LRRC69: variants seen among roughly 807,000 people sequenced by gnomAD.
LRRC69 encodes the protein leucine-rich repeat-containing protein 69.
A neutral mutation model predicts 37.8 loss-of-function variants in LRRC69; 42 were observed. The observed-to-expected ratio is 1.11, with a 90% confidence interval of 0.87 to 1.44. The LOEUF (loss-of-function observed/expected upper bound fraction) is 1.44, where lower values mean the gene tolerates loss of function less well. LRRC69 is among the 40% of genes most tolerant of loss of function. The pLI, the probability that LRRC69 is intolerant of heterozygous loss-of-function variation, is 0.00. For synonymous variants in LRRC69, 141 were observed against 143.1 expected (o/e 0.99, Z 0.11); for missense variants, 357 against 401.9 (o/e 0.89, Z 0.96).
chr8:91,195,602 C>T (rs1355338244), intron 6 of LRRC69, among the ~76,000 whole-genome samples: 20 of 151,026 alleles, frequency 1.3e-4, no homozygotes, highest in Admixed American at 1.3e-3. Flanking sequence ...TATGTAATGG[C>T]CTTCTTTGTC....
intron 5 of LRRC69, among the ~76,000 whole-genome samples, chr8:91,173,054 C>G (rs1181645865): frequency 6.6e-6 from 1 of 151,956 alleles, no homozygotes; most frequent in Non-Finnish European, 1.5e-5. Flanking sequence ...GTGTTGCCAG[C>G]TACTCACGGC....
chr8:91,150,693 C>T (rs367719738), intron 5 of LRRC69, among the ~76,000 whole-genome samples: 3 of 151,964 alleles, frequency 2.0e-5, no homozygotes, highest in Non-Finnish European at 2.9e-5. Context: ...TGGTAGAATT[C>T]GGCTGTGAAT....
chr8:91,152,655 T>A (rs980526595), intron 5 of LRRC69, among the ~76,000 whole-genome samples: 1 of 151,594 alleles, frequency 6.6e-6, no homozygotes, highest in Non-Finnish European at 1.5e-5. Flanking sequence ...TTTTCTCTAA[T>A]TCTGTGAAGA....
intron 5 of LRRC69, among the ~76,000 whole-genome samples, chr8:91,149,253 A>T (rs1232894876): frequency 6.6e-6 from 1 of 151,940 alleles, no homozygotes; most frequent in Non-Finnish European, 1.5e-5. Flanking sequence ...TCTTGAATTA[A>T]TTTTTGTATA....
chr8:91,114,886 T>C (rs1033487576), intron 1 of LRRC69, among the ~76,000 whole-genome samples: 1 of 152,010 alleles, frequency 6.6e-6, no homozygotes, highest in African/African-American at 2.4e-5. Flanking sequence ...GAAAATTCTA[T>C]CATTTGCAGC....
At chr8:91,158,204 G>C in intron 5 of LRRC69, 1 of 1,602,986 alleles carries the variant, frequency 6.2e-7, no homozygotes, top group Non-Finnish European at 8.5e-7. Context: ...TATTCCATGG[G>C]CTTACTATTC....
intron 3 of LRRC69, among the ~76,000 whole-genome samples, 165 bp downstream of exon 3, chr8:91,127,325 C>T (rs185632593): frequency 6.6e-6 from 1 of 151,974 alleles, no homozygotes; most frequent in East Asian, 1.9e-4. Context: ...GCAGATGATT[C>T]CTTAAACACT....
At chr8:91,150,022 A>G (rs369603784) in intron 5 of LRRC69, among the ~76,000 whole-genome samples, 2 of 152,008 alleles carry the variant, frequency 1.3e-5, no homozygotes. Context: ...TAATCATGTC[A>G]TCTGCAAACA....
intron 5 of LRRC69, among the ~76,000 whole-genome samples, chr8:91,139,393 T>A (rs1011493515): frequency 1.3e-5 from 2 of 151,848 alleles, no homozygotes; most frequent in African/African-American, 4.8e-5. Context: ...TACAAAAAAA[T>A]TAGCAGGGCG....
At chr8:91,198,290 A>G (rs1809653399) in intron 6 of LRRC69, among the ~76,000 whole-genome samples, 1 of 152,158 alleles carries the variant, frequency 6.6e-6, no homozygotes, top group South Asian at 2.1e-4. Flanking sequence ...AAAAAATCCC[A>G]ACTTTACAGA....
Position 91,113,598 on chromosome 8 carries a change from CTG to C in LRRC69, c.183+10757_183+10758del, listed in dbSNP as rs532631589. 2.0e-5 allele frequency among the ~76,000 whole-genome samples: 3 copies of C among 151,992 alleles called. 1 individual carries two copies. In the South Asian group the frequency reaches 6.2e-4, roughly 31 times the overall value. On this transcript the variant is annotated intron_variant, in intron 1 of 7. Transcript: ENST00000448384. ...AAAGACTTTAATGTAACACTTGAAA[CTG>C]TGAAACTACTAAAAGGAAACATAGG...
At chr8:91,160,799 A>G (rs188924039) in intron 5 of LRRC69, among the ~76,000 whole-genome samples, 116 of 151,336 alleles carry the variant, frequency 7.7e-4, no homozygotes, top group Non-Finnish European at 1.5e-3. Flanking sequence ...GGAGTAATAC[A>G]AGTATTATAC....
intron 1 of LRRC69, among the ~76,000 whole-genome samples, chr8:91,104,696 C>G (rs1468291680): frequency 7.2e-5 from 11 of 151,986 alleles, no homozygotes. Context: ...CTTTGTTGCT[C>G]TCTTAAATTG....
intron 5 of LRRC69, among the ~76,000 whole-genome samples, chr8:91,147,486 T>C (rs1022177210): frequency 6.6e-6 from 1 of 151,374 alleles, no homozygotes; most frequent in Non-Finnish European, 1.5e-5. Context: ...CCCAGGCTGG[T>C]CTTGAACTCC....
intron 1 of LRRC69, 95 bp downstream of exon 1, chr8:91,102,939 A>G: frequency 8.5e-7 from 1 of 1,169,672 alleles, no homozygotes; most frequent in Non-Finnish European, 1.2e-6. Flanking sequence ...TAACACTTCG[A>G]TCTATGGAGA....
At chr8:91,179,354 G>A (rs1256835963) in intron 5 of LRRC69, among the ~76,000 whole-genome samples, 1 of 152,124 alleles carries the variant, frequency 6.6e-6, no homozygotes, top group Admixed American at 6.5e-5. Flanking sequence ...GAGGGAAAGT[G>A]CAACATACTT....
chr8:91,203,385 CCTAT>C (rs900318315), intron 7 of LRRC69, among the ~76,000 whole-genome samples: 1 of 151,550 alleles, frequency 6.6e-6, no homozygotes, highest in African/African-American at 2.4e-5. Context: ...TATGCTTATA[CCTAT>C]CTTTTTTTTT....
At position 91,200,594 on chromosome 8, in the gene LRRC69, A is replaced by AT. The variant is rs747475808; in HGVS notation, c.754-9dup. On this transcript the variant is annotated intron_variant, in intron 6 of 7. Coordinates refer to ENST00000448384, the Ensembl canonical transcript of LRRC69. ...TTTTGAAAACAATCTGAGGAACTGT[A>AT]TTTTTTTTTTCAATTTAGGAAATAA... 4.9e-3 allele frequency: 6,106 copies of AT among 1,245,010 alleles called. 4 individuals are homozygous for AT. Among genetic ancestry groups the AT allele is most frequent in the East Asian group, 0.017 (553 of 31,650 alleles). The allele number at this position is 1,245,010 out of a possible 1,614,324, so 77.1% of individuals were successfully genotyped here. A position where few individuals can be genotyped will look rare whatever the true frequency, so the allele number is the denominator to read the frequency against.
chr8:91,188,261 A>G (rs991333625), intron 5 of LRRC69, among the ~76,000 whole-genome samples: 1 of 152,226 alleles, frequency 6.6e-6, no homozygotes, highest in African/African-American at 2.4e-5. Context: ...ACCTAATGAC[A>G]TGATATCCCA....
Sources: allele counts gnomAD v4.1 joint callset (sites outside exome capture counted in the v4.1 genomes callset), GRCh38; gene constraint gnomAD v4.1.1; transcripts MANE v1.5; gene names NCBI Gene and HGNC (gene_info 2026-07-23, HGNC 2026-07-21).